Variants in NRXN3 observed in about 807,000 individuals in gnomAD.
The protein encoded by NRXN3 is neurexin 3, also known as neurexin III.
NRXN3 carries 32 observed loss-of-function variants against 137.6 expected under a neutral mutation model. That is an observed-to-expected ratio of 0.23 (90% CI 0.18 to 0.31). The LOEUF is 0.31. Ranked by LOEUF, NRXN3 falls within the 10% of genes least tolerant of loss-of-function variation. NRXN3 has a pLI of 1.00. For missense variants in NRXN3, 1,574 were observed against 2,062.5 expected (o/e 0.76, Z 4.59); for synonymous variants, 798 against 784.5 (o/e 1.02, Z -0.29).
At chr14:79,160,867 G>A (rs2060704728) in intron 15 of NRXN3, among the ~76,000 whole-genome samples, 1 of 151,904 alleles carries the variant, frequency 6.6e-6, no homozygotes, top group Non-Finnish European at 1.5e-5. Context: ...TTGGGAAGAG[G>A]TCATGACAAC....
chr14:78,756,782 C>T (rs940126720), intron 8 of NRXN3, among the ~76,000 whole-genome samples: 12 of 152,192 alleles, frequency 7.9e-5, no homozygotes, highest in Non-Finnish European at 1.5e-4. Context: ...AAATGTTTAA[C>T]GGTGTGCCAC....
chr14:79,197,944 A>C (rs2065364728), intron 15 of NRXN3, among the ~76,000 whole-genome samples: 1 of 152,214 alleles, frequency 6.6e-6, no homozygotes, highest in Non-Finnish European at 1.5e-5. Flanking sequence ...TTGTGATTTC[A>C]ACAATGTTCA....
chr14:79,123,181 A>T (rs1363581746), intron 15 of NRXN3, among the ~76,000 whole-genome samples: 1 of 151,998 alleles, frequency 6.6e-6, no homozygotes, highest in East Asian at 1.9e-4. Flanking sequence ...ATCCAGATGG[A>T]GCTACAATGA....
chr14:78,241,769 A>G (rs998329986), intron 1 of NRXN3, among the ~76,000 whole-genome samples: 5 of 152,318 alleles, frequency 3.3e-5, no homozygotes, highest in Non-Finnish European at 5.9e-5. Context: ...TCAAAGTGCC[A>G]CATACAGGAG....
At chr14:79,554,923 A>C (rs2153752140) in intron 16 of NRXN3, among the ~76,000 whole-genome samples, 1 of 152,286 alleles carries the variant, frequency 6.6e-6, no homozygotes, top group South Asian at 2.1e-4. Flanking sequence ...CAGGGAGTTC[A>C]TTTGATGTAG....
intron 4 of NRXN3, among the ~76,000 whole-genome samples, chr14:78,384,850 C>T (rs2089700494): frequency 6.6e-6 from 1 of 152,164 alleles, no homozygotes; most frequent in Admixed American, 6.5e-5. Flanking sequence ...TAGAATGCTG[C>T]TCGTTTTATC....
intron 8 of NRXN3, among the ~76,000 whole-genome samples, chr14:78,778,314 G>C (rs1463276181): frequency 6.6e-6 from 1 of 152,118 alleles, no homozygotes; most frequent in Non-Finnish European, 1.5e-5. Context: ...AAACGGTTAG[G>C]CAATCCCATG....
intron 4 of NRXN3, among the ~76,000 whole-genome samples, chr14:78,558,204 A>C (rs2096756421): frequency 6.6e-6 from 1 of 152,176 alleles, no homozygotes; most frequent in Admixed American, 6.5e-5. Flanking sequence ...AGCTTAGTGA[A>C]ATTATCAGAA....
At chr14:78,385,514 C>T (rs1391251615) in intron 4 of NRXN3, among the ~76,000 whole-genome samples, 1 of 152,050 alleles carries the variant, frequency 6.6e-6, no homozygotes, top group Non-Finnish European at 1.5e-5. Flanking sequence ...ATCTAAGCAC[C>T]CACAATTCCT....
At chr14:78,176,287 C>G (rs565557992) in intron 1 of NRXN3, among the ~76,000 whole-genome samples, 1 of 152,094 alleles carries the variant, frequency 6.6e-6, no homozygotes, top group Non-Finnish European at 1.5e-5. Context: ...TTAGTAATCA[C>G]CATTCTCATC....
At chr14:79,363,538 T>G (rs572393630) in intron 15 of NRXN3, among the ~76,000 whole-genome samples, 200 of 151,870 alleles carry the variant, frequency 1.3e-3, no homozygotes, top group Non-Finnish European at 5.9e-5. Flanking sequence ...AAGAGCTTCT[T>G]CCTCACTTGC....
chr14:78,428,606 C>T (rs2093751334), intron 4 of NRXN3, among the ~76,000 whole-genome samples: 1 of 152,052 alleles, frequency 6.6e-6, no homozygotes, highest in Admixed American at 6.5e-5. Flanking sequence ...GAAATTGGCT[C>T]ACGTGATTAT....
chr14:79,486,392 A>G (rs2153647871), intron 16 of NRXN3, among the ~76,000 whole-genome samples: 1 of 152,346 alleles, frequency 6.6e-6, no homozygotes, highest in South Asian at 2.1e-4. Flanking sequence ...ATTTTAAAAG[A>G]TAAGATTAGA....
At chr14:79,755,465 G>T (rs971283876) in intron 19 of NRXN3, among the ~76,000 whole-genome samples, 3 of 151,150 alleles carry the variant, frequency 2.0e-5, no homozygotes, top group Non-Finnish European at 2.9e-5. Context: ...CTAATAAAAG[G>T]CTCTCATTTC....
At chr14:78,209,236 A>T (rs564826922) in intron 1 of NRXN3, among the ~76,000 whole-genome samples, 1 of 152,146 alleles carries the variant, frequency 6.6e-6, no homozygotes, top group Non-Finnish European at 1.5e-5. Context: ...GGACTGTGCC[A>T]GCTGTGGGAA....
chr14:79,709,483 A>T (rs1020614956), intron 19 of NRXN3, among the ~76,000 whole-genome samples: 1 of 152,204 alleles, frequency 6.6e-6, no homozygotes, highest in Non-Finnish European at 1.5e-5. Context: ...ATGGAAAAAA[A>T]CATAGGTAAA....
intron 16 of NRXN3, among the ~76,000 whole-genome samples, chr14:79,586,657 G>A (rs1437903577): frequency 6.6e-6 from 1 of 152,156 alleles, no homozygotes; most frequent in Non-Finnish European, 1.5e-5. Flanking sequence ...TTGATTGTAG[G>A]TTGAGGGTGC....
intron 16 of NRXN3, among the ~76,000 whole-genome samples, chr14:79,604,818 G>A (rs1010432089): frequency 6.6e-6 from 1 of 151,870 alleles, no homozygotes; most frequent in African/African-American, 2.4e-5. Flanking sequence ...GATCACTTGA[G>A]GTCAGGAGTT....
chr14:78,644,703 TG>T (rs1196482141), intron 4 of NRXN3, among the ~76,000 whole-genome samples: 5 of 152,334 alleles, frequency 3.3e-5, no homozygotes, highest in African/African-American at 1.2e-4. Flanking sequence ...AAAAGCTACC[TG>T]GAGCTAGAGA....
Sources: gnomAD v4.1 joint callset for allele counts (sites outside exome capture counted in the v4.1 genomes callset) on GRCh38, gnomAD v4.1.1 for gene constraint, MANE v1.5 for transcripts, NCBI Gene and HGNC (gene_info 2026-07-23, HGNC 2026-07-21) for gene names.